Variants in BCAR3 observed in about 807,000 individuals in gnomAD.
The protein encoded by BCAR3 is BCAR3 adaptor protein, NSP family member, also known as breast cancer anti-estrogen resistance protein 3.
A neutral mutation model predicts 80.1 loss-of-function variants in BCAR3; 37 were observed. The observed-to-expected ratio is 0.46, with a 90% CI of 0.36 to 0.61. The LOEUF is 0.61. BCAR3 is among the 20% of genes least tolerant of loss of function. BCAR3 has a pLI of 0.00. For missense variants in BCAR3, 978 were observed against 1,068.2 expected (o/e 0.92, Z 1.18); for synonymous variants, 389 against 418.9 (o/e 0.93, Z 0.87).
chr1:93,591,818 G>T (rs1005680901), intron 4 of BCAR3, among the ~76,000 whole-genome samples: 1 of 152,200 alleles, frequency 6.6e-6, no homozygotes, highest in Non-Finnish European at 1.5e-5. Context: ...GCTCAATGGG[G>T]CAGAGGCAGC....
At chr1:93,579,353 A>G (rs1461068553) in intron 7 of BCAR3, among the ~76,000 whole-genome samples, 1 of 152,184 alleles carries the variant, frequency 6.6e-6, no homozygotes, top group Non-Finnish European at 1.5e-5. Flanking sequence ...CCAGGAAGAT[A>G]ACATGGAAAT....
intron 4 of BCAR3, among the ~76,000 whole-genome samples, chr1:93,591,376 G>A (rs1674177755): frequency 6.6e-6 from 1 of 152,092 alleles, no homozygotes; most frequent in Admixed American, 6.6e-5. Context: ...CAGAGAGGCT[G>A]AGGCAGGAGA....
At chr1:93,583,022 G>A in intron 6 of BCAR3, 69 bp from the exon 7 acceptor site, 5 of 1,471,390 alleles carry the variant, frequency 3.4e-6, no homozygotes, top group Non-Finnish European at 4.5e-6. Context: ...CAAAACCAGA[G>A]TGGCAGCTCC....
intron 2 of BCAR3, among the ~76,000 whole-genome samples, chr1:93,805,786 G>C (rs757502322): frequency 2.0e-5 from 3 of 152,148 alleles, no homozygotes; most frequent in Non-Finnish European, 4.4e-5. Flanking sequence ...CATAATTTTA[G>C]AGGAAATAGA....
intron 3 of BCAR3, among the ~76,000 whole-genome samples, chr1:93,638,133 C>A (rs1163078241): frequency 6.6e-6 from 1 of 152,174 alleles, no homozygotes; most frequent in Non-Finnish European, 1.5e-5. Context: ...CCTGTAGTTC[C>A]AGCTACTCGG....
intron 3 of BCAR3, among the ~76,000 whole-genome samples, chr1:93,593,074 G>A (rs1674275534): frequency 6.6e-6 from 1 of 152,224 alleles, no homozygotes; most frequent in African/African-American, 2.4e-5. Flanking sequence ...TTGAGAATCA[G>A]TGGTCTGCGG....
chr1:93,711,888 GA>G (rs952946442), intron 2 of BCAR3, among the ~76,000 whole-genome samples: 1 of 152,052 alleles, frequency 6.6e-6, no homozygotes, highest in Non-Finnish European at 1.5e-5. Flanking sequence ...ACTAGATGAT[GA>G]AAAAAATGCA....
chr1:93,578,788 A>G (rs1285287546), intron 7 of BCAR3, among the ~76,000 whole-genome samples: 1 of 151,958 alleles, frequency 6.6e-6, no homozygotes, highest in Non-Finnish European at 1.5e-5. Flanking sequence ...GCCCTGGCAC[A>G]GTAGGCGCTC....
chr1:93,638,223 T>C (rs750668596), intron 3 of BCAR3, among the ~76,000 whole-genome samples: 5 of 152,170 alleles, frequency 3.3e-5, no homozygotes, highest in Non-Finnish European at 7.3e-5. Context: ...TACTCCAGCC[T>C]GGGCAACAGA....
chr1:93,847,001 C>CT, intron 1 of BCAR3: 1 of 318,980 alleles, frequency 3.1e-6, no homozygotes, highest in Non-Finnish European at 6.3e-6. Context: ...CAGGTCCAGC[C>CT]GCGGCTGGGT....
At chr1:93,578,888 C>A (rs1673579042) in intron 7 of BCAR3, among the ~76,000 whole-genome samples, 1 of 152,198 alleles carries the variant, frequency 6.6e-6, no homozygotes, top group Non-Finnish European at 1.5e-5. Flanking sequence ...ATTATTATCT[C>A]ATTTAGTCCT....
chr1:93,704,083 C>T (rs1240094339), intron 3 of BCAR3, among the ~76,000 whole-genome samples: 1 of 152,152 alleles, frequency 6.6e-6, no homozygotes, highest in Admixed American at 6.5e-5. Context: ...CAGAAATTGC[C>T]ATAGGGCAGC....
At chr1:93,584,218 A>G in intron 5 of BCAR3, 97 bp from the exon 6 acceptor site, 1 of 1,076,328 alleles carries the variant, frequency 9.3e-7, no homozygotes, top group Non-Finnish European at 1.3e-6. Context: ...ACAAAAAAAA[A>G]GAAAACTGCT....
chr1:93,768,695 C>G (rs764722720), intron 2 of BCAR3, among the ~76,000 whole-genome samples: 16 of 152,172 alleles, frequency 1.1e-4, no homozygotes, highest in Admixed American at 2.6e-4. Flanking sequence ...GCAGCCAGCC[C>G]AGGGCCCCTG....
At chr1:93,784,638 C>T (rs866651790) in intron 2 of BCAR3, among the ~76,000 whole-genome samples, 3 of 152,194 alleles carry the variant, frequency 2.0e-5, no homozygotes, top group South Asian at 2.1e-4. Flanking sequence ...ATGAAGACTG[C>T]GCAGCCAAAT....
At chr1:93,563,337 T>C (rs1465221271) in intron 11 of BCAR3, among the ~76,000 whole-genome samples, 2 of 152,256 alleles carry the variant, frequency 1.3e-5, no homozygotes, top group Admixed American at 1.3e-4. Flanking sequence ...TTCTTTCACT[T>C]AGCATGATGT....
chr1:93,671,655 T>C (rs1182254002), intron 2 of BCAR3, among the ~76,000 whole-genome samples: 1 of 152,230 alleles, frequency 6.6e-6, no homozygotes, highest in African/African-American at 2.4e-5. Context: ...GTTCCATTTC[T>C]CTCACTGTAT....
chr1:93,815,774 T>C (rs551355276), intron 2 of BCAR3, among the ~76,000 whole-genome samples: 5 of 152,310 alleles, frequency 3.3e-5, no homozygotes, highest in Admixed American at 1.3e-4. Flanking sequence ...ACGGAGAACA[T>C]GTTTGAGCCA....
chr1:93,730,955 G>A (rs1650764560), intron 2 of BCAR3, among the ~76,000 whole-genome samples: 1 of 152,226 alleles, frequency 6.6e-6, no homozygotes, highest in Admixed American at 6.5e-5. Flanking sequence ...AGTCATGTGG[G>A]CAGCATGTGC....
Sources: allele counts gnomAD v4.1 joint callset (sites outside exome capture counted in the v4.1 genomes callset), GRCh38; gene constraint gnomAD v4.1.1; transcripts MANE v1.5; gene names NCBI Gene and HGNC (gene_info 2026-07-23, HGNC 2026-07-21).